MAMDC2: variants seen among roughly 807,000 people sequenced by gnomAD.
The protein encoded by MAMDC2 is MAM domain containing 2, also known as MAM domain-containing protein 2.
A neutral mutation model predicts 89.8 loss-of-function variants in MAMDC2; 57 were observed. The observed-to-expected ratio is 0.63, with a 90% CI of 0.51 to 0.79. MAMDC2 has a LOEUF of 0.79. Ranked by LOEUF, MAMDC2 falls within the 30% of genes least tolerant of loss-of-function variation. The pLI, the probability that MAMDC2 is intolerant of heterozygous loss-of-function variation, is 0.00. For missense variants in MAMDC2, 800 were observed against 820.6 expected (o/e 0.97, Z 0.31); for synonymous variants, 313 against 293.4 (o/e 1.07, Z -0.68).
intron 2 of MAMDC2, among the ~76,000 whole-genome samples, chr9:70,089,911 C>T (rs972670131): frequency 6.6e-5 from 10 of 151,960 alleles, no homozygotes; most frequent in Non-Finnish European, 1.3e-4. Flanking sequence ...GCCTTTTTAA[C>T]CTAAATATGT....
intron 9 of MAMDC2, among the ~76,000 whole-genome samples, chr9:70,147,800 T>C (rs7022893): frequency 0.82 from 123,286 of 150,016 alleles, 51,942 homozygotes; most frequent in Admixed American, 0.88. Context: ...AAGAGGACAG[T>C]TGTGCCTTTG....
intron 11 of MAMDC2, among the ~76,000 whole-genome samples, chr9:70,200,578 A>T (rs1376823888): frequency 6.7e-6 from 1 of 149,878 alleles, no homozygotes; most frequent in East Asian, 2.0e-4. Context: ...GTTTTTTCCA[A>T]TTCTGTGAAG....
intron 2 of MAMDC2, among the ~76,000 whole-genome samples, chr9:70,048,615 C>T (rs1414168620): frequency 6.6e-6 from 1 of 152,168 alleles, no homozygotes; most frequent in Non-Finnish European, 1.5e-5. Flanking sequence ...CTGTTTTATC[C>T]TGTGAAAATC....
intron 12 of MAMDC2, among the ~76,000 whole-genome samples, chr9:70,224,333 T>C (rs372526675): frequency 6.6e-6 from 1 of 152,198 alleles, no homozygotes; most frequent in African/African-American, 2.4e-5. Flanking sequence ...AAGCATCTCA[T>C]TGTATATAGC....
intron 9 of MAMDC2, among the ~76,000 whole-genome samples, chr9:70,165,509 C>T (rs879729479): frequency 6.6e-6 from 1 of 152,152 alleles, no homozygotes; most frequent in Non-Finnish European, 1.5e-5. Context: ...GCTGACTAAC[C>T]TTAGGGATCT....
At chr9:70,091,196 A>G (rs903218985) in intron 2 of MAMDC2, among the ~76,000 whole-genome samples, 5 of 152,348 alleles carry the variant, frequency 3.3e-5, no homozygotes, top group African/African-American at 1.2e-4. Context: ...CTTACTAAAA[A>G]TAAACCCCAC....
At chr9:70,094,467 T>A (rs1041659610) in intron 2 of MAMDC2, among the ~76,000 whole-genome samples, 3 of 152,208 alleles carry the variant, frequency 2.0e-5, no homozygotes, top group Admixed American at 6.5e-5. Context: ...AATTTGTATT[T>A]CAGAAAATAT....
intron 7 of MAMDC2, among the ~76,000 whole-genome samples, chr9:70,137,283 G>C (rs2031045420): frequency 6.6e-6 from 1 of 152,086 alleles, no homozygotes; most frequent in African/African-American, 2.4e-5. Flanking sequence ...TGCCATGTTT[G>C]CTTTATCTAC....
intron 2 of MAMDC2, among the ~76,000 whole-genome samples, chr9:70,074,648 C>A (rs73650525): frequency 0.015 from 2,348 of 152,328 alleles, 64 homozygotes; most frequent in African/African-American, 0.053. Flanking sequence ...CAGAAGAAAA[C>A]CCCAGAGGCT....
At chr9:70,160,616 G>A (rs530975052) in intron 9 of MAMDC2, among the ~76,000 whole-genome samples, 1 of 151,478 alleles carries the variant, frequency 6.6e-6, no homozygotes, top group East Asian at 2.0e-4. Flanking sequence ...TGTGGATGTC[G>A]GAGAAGCTGT....
At chr9:70,158,361 C>T (rs937585239) in intron 9 of MAMDC2, among the ~76,000 whole-genome samples, 7 of 151,920 alleles carry the variant, frequency 4.6e-5, no homozygotes, top group Non-Finnish European at 8.8e-5. Context: ...ATACTGTACA[C>T]TGTTTGTATT....
chr9:70,067,115 G>A (rs1312061098), intron 2 of MAMDC2, among the ~76,000 whole-genome samples: 1 of 152,202 alleles, frequency 6.6e-6, no homozygotes, highest in Non-Finnish European at 1.5e-5. Flanking sequence ...CTACTTCATG[G>A]ATGTTCTAGC....
chr9:70,183,096 T>G (rs2032679348), intron 11 of MAMDC2, among the ~76,000 whole-genome samples: 1 of 152,192 alleles, frequency 6.6e-6, no homozygotes, highest in Non-Finnish European at 1.5e-5. Flanking sequence ...TGCTTTCATT[T>G]TGTTGTTTTC....
At chr9:70,209,575 A>C (rs1245214898) in intron 11 of MAMDC2, among the ~76,000 whole-genome samples, 1 of 133,804 alleles carries the variant, frequency 7.5e-6, no homozygotes, top group Non-Finnish European at 1.6e-5. Flanking sequence ...TGATCTTTTT[A>C]AAAAACCAGC....
intron 11 of MAMDC2, among the ~76,000 whole-genome samples, chr9:70,190,162 A>G (rs776085285): frequency 1.3e-5 from 2 of 152,132 alleles, no homozygotes; most frequent in African/African-American, 4.8e-5. Flanking sequence ...TGTGTGTCTC[A>G]TAATTTTTGC....
At chr9:70,221,407 A>AGAGAGAGAGG (rs1491076799) in intron 12 of MAMDC2, among the ~76,000 whole-genome samples, 1 of 119,900 alleles carries the variant, frequency 8.3e-6, no homozygotes, top group African/African-American at 3.2e-5. Context: ...AGAGAGAGAG[A>AGAGAGAGAGG]GTAACATCAG....
At chr9:70,152,643 T>C (rs1021903005) in intron 9 of MAMDC2, among the ~76,000 whole-genome samples, 3 of 152,128 alleles carry the variant, frequency 2.0e-5, no homozygotes, top group African/African-American at 7.2e-5. Flanking sequence ...GCCCTAACTC[T>C]CAGGATTCCT....
chr9:70,217,092 AT>A (rs2118684487), intron 11 of MAMDC2: 2 of 520,316 alleles, frequency 3.8e-6, no homozygotes, highest in South Asian at 4.8e-5. Flanking sequence ...AAATTTAAAA[AT>A]AGCAATAAAA....
intron 9 of MAMDC2, among the ~76,000 whole-genome samples, chr9:70,164,153 G>A (rs1022188708): frequency 1.3e-5 from 2 of 152,116 alleles, no homozygotes; most frequent in Admixed American, 1.3e-4. Context: ...ACTTGGCAGT[G>A]ATGCTGGCAT....
Sources: gnomAD v4.1 joint callset for allele counts (sites outside exome capture counted in the v4.1 genomes callset) on GRCh38, gnomAD v4.1.1 for gene constraint, MANE v1.5 for transcripts, NCBI Gene and HGNC (gene_info 2026-07-23, HGNC 2026-07-21) for gene names.